The following COP1 variants were observed in gnomAD, a reference collection of about 807,000 sequenced individuals.
COP1 encodes COP1 E3 ubiquitin ligase.
In COP1, 24 loss-of-function variants were observed where a neutral mutation model predicts 101.3. The ratio of observed to expected loss-of-function variants is 0.24; its 90% CI spans 0.17 to 0.33. The LOEUF (loss-of-function observed/expected upper bound fraction) is 0.33, where lower values mean the gene tolerates loss of function less well. COP1 is among the 10% of genes least tolerant of loss of function. The probability of loss-of-function intolerance (pLI) is 1.00; values close to 1 mark genes in which losing one functional copy is unlikely to be tolerated. For synonymous variants in COP1, 347 were observed against 341.9 expected (o/e 1.01, Z -0.17); for missense variants, 663 against 906.2 (o/e 0.73, Z 3.45).
chr1:175,984,628 C>T (rs962402939), intron 18 of COP1, among the ~76,000 whole-genome samples: 3 of 152,182 alleles, frequency 2.0e-5, no homozygotes, highest in Non-Finnish European at 2.9e-5. Context: ...GATCCACTGA[C>T]AGCTTGCACC....
At chr1:175,969,142 A>G (rs1652734092) in intron 18 of COP1, among the ~76,000 whole-genome samples, 1 of 152,256 alleles carries the variant, frequency 6.6e-6, no homozygotes, top group Non-Finnish European at 1.5e-5. Context: ...AATACATTCA[A>G]GGCATGGAAA....
intron 11 of COP1, among the ~76,000 whole-genome samples, chr1:176,050,806 T>C (rs1312617235): frequency 6.6e-6 from 1 of 152,136 alleles, no homozygotes; most frequent in Non-Finnish European, 1.5e-5. Flanking sequence ...ATAAAGAAAC[T>C]GAGGTATACT....
At chr1:175,989,580 G>T in intron 15 of COP1, 101 bp from the exon 16 acceptor site, 1 of 656,318 alleles carries the variant, frequency 1.5e-6, no homozygotes, top group East Asian at 2.6e-5. Flanking sequence ...TTTCACATAT[G>T]ATGTCTAATC....
At chr1:176,005,684 A>C (rs1662982694) in intron 15 of COP1, among the ~76,000 whole-genome samples, 1 of 152,094 alleles carries the variant, frequency 6.6e-6, no homozygotes, top group Admixed American at 6.6e-5. Context: ...CTTAATCCTG[A>C]GTTCTAGTTT....
intron 11 of COP1, among the ~76,000 whole-genome samples, chr1:176,070,647 G>A (rs1233357775): frequency 1.3e-5 from 2 of 151,996 alleles, no homozygotes; most frequent in South Asian, 4.1e-4. Context: ...GAGCAACAGA[G>A]CAAGACTCCA....
At chr1:175,992,804 C>T (rs571309045) in intron 15 of COP1, among the ~76,000 whole-genome samples, 1 of 152,328 alleles carries the variant, frequency 6.6e-6, no homozygotes, top group South Asian at 2.1e-4. Flanking sequence ...CTGTAGGCTC[C>T]ACCTCTGGGG....
intron 9 of COP1, among the ~76,000 whole-genome samples, chr1:176,110,458 T>C (rs1444739157): frequency 1.3e-5 from 2 of 152,226 alleles, no homozygotes; most frequent in African/African-American, 4.8e-5. Flanking sequence ...CTAGGAAGTT[T>C]TCCCAGGGAC....
intron 1 of COP1, 43 bp downstream of exon 1, chr1:176,206,529 A>G (rs1460105107): frequency 1.3e-6 from 2 of 1,583,132 alleles, no homozygotes; most frequent in Admixed American, 1.7e-5. Flanking sequence ...AGCGGCAGAA[A>G]CTCATAATTT....
chr1:176,042,060 G>A (rs1028406488), intron 14 of COP1, among the ~76,000 whole-genome samples: 1 of 150,998 alleles, frequency 6.6e-6, no homozygotes, highest in Non-Finnish European at 1.5e-5. Context: ...TGCAGTGAGC[G>A]GAGATTGCCC....
At chr1:176,023,473 C>T (rs1421663478) in intron 15 of COP1, among the ~76,000 whole-genome samples, 1 of 152,024 alleles carries the variant, frequency 6.6e-6, no homozygotes, top group South Asian at 2.1e-4. Context: ...AATCCCAGCA[C>T]TTTGGGAGGC....
chr1:176,195,983 G>C (rs1572799393), intron 1 of COP1, among the ~76,000 whole-genome samples: 1 of 152,130 alleles, frequency 6.6e-6, no homozygotes. Context: ...ATATACCCAC[G>C]TAACAAACCT....
At chr1:176,006,970 T>A (rs550506518) in intron 15 of COP1, among the ~76,000 whole-genome samples, 1 of 152,154 alleles carries the variant, frequency 6.6e-6, no homozygotes, top group East Asian at 1.9e-4. Context: ...ATTCTCCCCA[T>A]CACTTTCAGG....
intron 14 of COP1, 46 bp downstream of exon 14, chr1:176,043,138 AAG>A: frequency 1.8e-6 from 2 of 1,129,508 alleles, no homozygotes; most frequent in Non-Finnish European, 2.7e-6. Flanking sequence ...AATTACAGTT[AAG>A]AGGGCCAGGG....
At chr1:176,141,450 G>A (rs192171389) in intron 6 of COP1, among the ~76,000 whole-genome samples, 27 of 152,206 alleles carry the variant, frequency 1.8e-4, no homozygotes, top group African/African-American at 5.3e-4. Context: ...GCAGTGAGGC[G>A]AGATAGTGCC....
intron 9 of COP1, among the ~76,000 whole-genome samples, chr1:176,113,945 G>GTT (rs11435143): frequency 0.46 from 66,733 of 144,772 alleles, 15,607 homozygotes; most frequent in Admixed American, 0.56. Flanking sequence ...TCAGGGTAGG[G>GTT]TTTTTTTTTT....
chr1:176,074,310 A>G (rs1022766010), intron 11 of COP1, among the ~76,000 whole-genome samples: 1 of 152,168 alleles, frequency 6.6e-6, no homozygotes, highest in African/African-American at 2.4e-5. Context: ...TTTATTATCA[A>G]TGATGTGTTT....
At chr1:176,099,649 C>G (rs1342132548) in intron 9 of COP1, among the ~76,000 whole-genome samples, 1 of 152,046 alleles carries the variant, frequency 6.6e-6, no homozygotes, top group Admixed American at 6.6e-5. Flanking sequence ...CAACTGGATG[C>G]AACTGGAGAA....
intron 5 of COP1, among the ~76,000 whole-genome samples, chr1:176,159,590 T>C (rs1202865842): frequency 6.6e-6 from 1 of 152,276 alleles, no homozygotes; most frequent in East Asian, 1.9e-4. Flanking sequence ...GAATAATAGA[T>C]ATATTTCTGA....
At chr1:175,984,216 C>T (rs1571394822) in intron 18 of COP1, among the ~76,000 whole-genome samples, 1 of 152,238 alleles carries the variant, frequency 6.6e-6, no homozygotes, top group South Asian at 2.1e-4. Flanking sequence ...GTTTCCTGGG[C>T]CAGGTCCAGG....
Sources: gnomAD v4.1 joint callset for allele counts (sites outside exome capture counted in the v4.1 genomes callset) on GRCh38, gnomAD v4.1.1 for gene constraint, MANE v1.5 for transcripts, NCBI Gene and HGNC (gene_info 2026-07-23, HGNC 2026-07-21) for gene names.